UGDH: variants seen among roughly 807,000 people sequenced by gnomAD.
The protein encoded by UGDH is UDP-Glc dehydrogenase.
A neutral mutation model predicts 50.6 loss-of-function variants in UGDH; 38 were observed. The ratio of observed to expected loss-of-function variants is 0.75; its 90% CI spans 0.58 to 0.98. The LOEUF (loss-of-function observed/expected upper bound fraction) is 0.98. Ranked by LOEUF, UGDH falls within the 50% of genes least tolerant of loss-of-function variation. The pLI, the probability that UGDH is intolerant of heterozygous loss-of-function variation, is 0.00. For missense variants in UGDH, 465 were observed against 606.2 expected, an observed-to-expected ratio of 0.77 and a Z score of 2.45; for synonymous variants, 168 against 199.9, an observed-to-expected ratio of 0.84 and a Z score of 1.35.
intron 10 of UGDH, 87 bp downstream of exon 10, chr4:39,504,319 CAAAAAAACAAA>C (rs1294480163): frequency 1.8e-6 from 2 of 1,122,090 alleles, no homozygotes; most frequent in East Asian, 5.1e-5. Context: ...AAAAAAAAAA[CAAAAAAACAAA>C]AAAACACATA....
At chr4:39,507,602 C>T (rs192734562) in intron 7 of UGDH, among the ~76,000 whole-genome samples, 1 of 152,252 alleles carries the variant, frequency 6.6e-6, no homozygotes, top group East Asian at 1.9e-4. Context: ...CCATGCCCGA[C>T]CAACGTTATA....
rs116383478 is a variant in UGDH, at chr4:39,502,653, G to T, written c.1374+1222C>A. ...AAAATAGCTCCTTATTAATACCTTT[G>T]GGACTCCTTGGAGAACTGAAATAGA... On this transcript the variant is annotated intron_variant, in intron 11 of 11. Coordinates refer to ENST00000316423, the MANE Select transcript of UGDH (RefSeq NM_003359.4). Among the ~76,000 whole-genome samples the T allele has an allele frequency of 7.7e-3, 1,175 of 152,156 alleles. 15 individuals carry two copies. Among genetic ancestry groups the T allele is most frequent in the African/African-American group, 0.027 (1,118 of 41,512 alleles).
intron 2 of UGDH, among the ~76,000 whole-genome samples, chr4:39,519,402 T>C (rs993174737): frequency 2.6e-5 from 4 of 152,124 alleles, no homozygotes; most frequent in Non-Finnish European, 5.9e-5. Flanking sequence ...CATTACTGAA[T>C]GTTTGGATAT....
chr4:39,504,860 G>A lies in UGDH; in HGVS notation c.1172-352C>T, dbSNP rs74288462. On this transcript the variant is annotated intron_variant, in intron 9 of 11. Coordinates refer to ENST00000316423, the MANE Select transcript of UGDH (RefSeq NM_003359.4). ...CAAGTGACCGCAGATAACTGAACCC[G>A]TGGAAAGCAAAACCACACATAAGGG... 3.7e-4 allele frequency among the ~76,000 whole-genome samples: 57 copies of A among 152,258 alleles called. 1 individual carries two copies. The East Asian group carries it at 0.01, about 27-fold the overall frequency.
intron 5 of UGDH, 79 bp downstream of exon 5, chr4:39,510,274 T>A: frequency 7.1e-7 from 1 of 1,405,348 alleles, no homozygotes; most frequent in Non-Finnish European, 9.9e-7. Context: ...ATTAAAAAAG[T>A]ATCTGTGTAG....
At position 39,508,549 on chromosome 4, in the gene UGDH, C is replaced by T. The variant is rs997927829; in HGVS notation, c.906+17G>A. Reference sequence around the variant, plus strand: ...ATGCCTGGCTAAACAGAAATTATTACCTATAGAGATTAATACCTGCTGCCA... The same window carrying T: ...ATGCCTGGCTAAACAGAAATTATTATCTATAGAGATTAATACCTGCTGCCA... On this transcript the variant is annotated intron_variant, in intron 7 of 11. Transcript: ENST00000316423. 1.9e-6 allele frequency: 3 copies of T among 1,607,706 alleles called. No individual in the cohort carries two copies. The highest frequency in any genetic ancestry group is 2.5e-6 in the Non-Finnish European group (3 of 1,177,126).
chr4:39,500,395 T>A, intron 11 of UGDH, 142 bp from the exon 12 acceptor site: 1 of 538,532 alleles, frequency 1.9e-6, no homozygotes, highest in Non-Finnish European at 3.3e-6. Context: ...CTATGAGAGA[T>A]CTTTGGTTTC....
Position 39,525,502 on chromosome 4 carries a change from TTTTCTTTTTC to T in UGDH, c.-8+1771_-8+1780del, listed in dbSNP as rs1469536998. 4.1e-4 allele frequency among the ~76,000 whole-genome samples: 5 copies of T among 12,156 alleles called. 1 individual carries two copies. The Admixed American group carries it at 5.8e-3, about 14-fold the overall frequency. 8.0% of individuals were successfully genotyped at this position (12,156 alleles called of 152,430 possible). A position where few individuals can be genotyped will look rare whatever the true frequency, so the allele number is the denominator to read the frequency against. On this transcript the variant is annotated intron_variant, in intron 1 of 11. Coordinates refer to ENST00000316423, the MANE Select transcript of UGDH (RefSeq NM_003359.4). Reference sequence around the variant, plus strand: ...AGCCACTGCGCCCAGCCCCATTTTCTTTTCTTTTTCTTTTTTTTTTTTGAGACGTAGTCTC... The same window carrying T: ...AGCCACTGCGCCCAGCCCCATTTTCTTTTTTTTTTTTTGAGACGTAGTCTC...
rs1221194267 is a variant in UGDH, at chr4:39,510,773, T to C, written c.353A>G (p.Gln118Arg). 24 of 1,614,136 alleles carry C rather than the reference T, an allele frequency of 1.5e-5. No individual in the cohort carries two copies. The highest frequency in any genetic ancestry group is 1.9e-5 in the Non-Finnish European group (22 of 1,180,052). Residue 118 changes from glutamine to arginine, a missense_variant, in exon 4 of 12, where the codon CAA becomes CGA. Coordinates refer to ENST00000316423, the MANE Select transcript of UGDH (RefSeq NM_003359.4). Reference protein sequence around the residue: ...YIEACARRIVQNSNGYKIVTE... With the variant: ...YIEACARRIVRNSNGYKIVTE... ...CACAATTTTGTACCCATTTGAGTTT[T>C]GCACAATGCGTCTAGCACAAGCTTC...
intron 2 of UGDH, among the ~76,000 whole-genome samples, chr4:39,520,581 A>G (rs1746609907): frequency 6.6e-6 from 1 of 152,044 alleles, no homozygotes; most frequent in African/African-American, 2.4e-5. Context: ...ATTCCAGTTA[A>G]AAATATTTGT....
intron 2 of UGDH, 31 bp from the exon 3 acceptor site, chr4:39,514,215 T>C (rs780613981): frequency 2.7e-6 from 4 of 1,505,404 alleles, no homozygotes; most frequent in South Asian, 1.2e-5. Flanking sequence ...GAATTGTACA[T>C]ATAGCTTGCC....
At chr4:39,506,653 G>A (rs1263055502) in intron 7 of UGDH, among the ~76,000 whole-genome samples, 3 of 152,192 alleles carry the variant, frequency 2.0e-5, no homozygotes, top group African/African-American at 7.2e-5. Context: ...GTTAAATTTA[G>A]GTTGGTAACC....
At chr4:39,506,572 A>G (rs764778690) in intron 7 of UGDH, among the ~76,000 whole-genome samples, 6 of 152,264 alleles carry the variant, frequency 3.9e-5, no homozygotes, top group African/African-American at 7.2e-5. Flanking sequence ...TGGATGAACC[A>G]TAACACCACA....
At chr4:39,518,133 G>A (rs1240705863) in intron 2 of UGDH, among the ~76,000 whole-genome samples, 1 of 151,970 alleles carries the variant, frequency 6.6e-6, no homozygotes, top group African/African-American at 2.4e-5. Context: ...ATTTCACCAC[G>A]TTGTCAAGGC....
chr4:39,502,751 G>GT (rs1340773310), intron 11 of UGDH, among the ~76,000 whole-genome samples: 1 of 151,994 alleles, frequency 6.6e-6, no homozygotes, highest in African/African-American at 2.4e-5. Context: ...TTGACAAACT[G>GT]TTTTTTGTTT....
intron 6 of UGDH, 90 bp downstream of exon 6, chr4:39,509,670 A>G (rs1746157742): frequency 5.7e-6 from 8 of 1,406,964 alleles, no homozygotes; most frequent in Non-Finnish European, 7.6e-6. Flanking sequence ...TAAGGATTCA[A>G]TGAGATATAT....
chr4:39,527,289 C>T lies in UGDH; in HGVS notation c.-14G>A. 2.6e-6 allele frequency: 1 copy of T among 387,918 alleles called. No individual in the cohort carries two copies. Among genetic ancestry groups the T allele is most frequent in the South Asian group, 2.1e-5 (1 of 48,614 alleles). 24.0% of individuals were successfully genotyped at this position (387,918 alleles called of 1,614,324 possible). On this transcript the variant is annotated 5_prime_UTR_variant, in exon 1 of 12. Coordinates refer to ENST00000316423, the MANE Select transcript of UGDH (RefSeq NM_003359.4). ...GCCTGGGAGCGGCGCTTACCCACTT[C>T]CCAGCAGCAAGCGCAGGGACCGCTC... is the stretch of plus-strand genomic sequence containing the variant.
At chr4:39,506,953 T>C (rs1240035338) in intron 7 of UGDH, among the ~76,000 whole-genome samples, 1 of 152,012 alleles carries the variant, frequency 6.6e-6, no homozygotes, top group Non-Finnish European at 1.5e-5. Context: ...AGCCCAAGAG[T>C]TGGAATCTAG....
intron 6 of UGDH, 36 bp from the exon 7 acceptor site, chr4:39,508,696 A>G (rs530548656): frequency 1.3e-6 from 2 of 1,555,582 alleles, no homozygotes; most frequent in Admixed American, 4.1e-5. Flanking sequence ...ATTTTCATGT[A>G]AGAACGAGAA....
Sources: gnomAD v4.1 joint callset for allele counts (sites outside exome capture counted in the v4.1 genomes callset) on GRCh38, gnomAD v4.1.1 for gene constraint, MANE v1.5 for transcripts, NCBI Gene and HGNC (gene_info 2026-07-23, HGNC 2026-07-21) for gene names.